DLGAP2: variants seen among roughly 807,000 people sequenced by gnomAD.
DLGAP2 encodes the protein disks large-associated protein 2.
Under a neutral mutation model 100.3 loss-of-function variants are expected in DLGAP2, and 26 were observed. That is an observed-to-expected ratio of 0.26 (90% CI 0.19 to 0.36). The LOEUF is 0.36. Among genes scored for constraint, DLGAP2 ranks in the 10% least tolerant of loss-of-function variants. The pLI is 1.00. For synonymous variants in DLGAP2, 886 were observed against 630.1 expected (o/e 1.41, Z -6.08); for missense variants, 1,858 against 1,453.2 (o/e 1.28, Z -4.53).
chr8:1,009,621 G>A (rs773158564), intron 2 of DLGAP2, among the ~76,000 whole-genome samples: 2 of 152,212 alleles, frequency 1.3e-5, no homozygotes, highest in African/African-American at 2.4e-5. Flanking sequence ...TCAGTTGGAA[G>A]CAGAGTCCAT....
chr8:1,591,391 C>T (rs1215466874), intron 6 of DLGAP2, among the ~76,000 whole-genome samples: 1 of 152,166 alleles, frequency 6.6e-6, no homozygotes, highest in East Asian at 1.9e-4. Context: ...AAGGGCCCTC[C>T]TGGTCTCTGG....
At chr8:818,881 A>G (rs185418151) in intron 1 of DLGAP2, among the ~76,000 whole-genome samples, 2 of 152,368 alleles carry the variant, frequency 1.3e-5, no homozygotes, top group East Asian at 3.9e-4. Context: ...ACTATAAATG[A>G]TATAAATTGA....
At chr8:895,681 G>T (rs79915014) in intron 1 of DLGAP2, among the ~76,000 whole-genome samples, 1 of 152,184 alleles carries the variant, frequency 6.6e-6, no homozygotes, top group African/African-American at 2.4e-5. Context: ...CCTTTCGGTG[G>T]TGGTGTGAAG....
intron 2 of DLGAP2, among the ~76,000 whole-genome samples, chr8:1,178,699 A>C (rs1029690606): frequency 6.6e-6 from 1 of 152,156 alleles, no homozygotes; most frequent in Non-Finnish European, 1.5e-5. Context: ...AAAATGTAGA[A>C]GTTTTAGCAA....
intron 2 of DLGAP2, among the ~76,000 whole-genome samples, chr8:1,160,545 A>G (rs1051505772): frequency 6.6e-6 from 1 of 152,124 alleles, no homozygotes; most frequent in Non-Finnish European, 1.5e-5. Flanking sequence ...TTTGCTTTGG[A>G]TGCCTTTATC....
At chr8:1,074,528 C>T (rs1803542159) in intron 2 of DLGAP2, among the ~76,000 whole-genome samples, 1 of 152,196 alleles carries the variant, frequency 6.6e-6, no homozygotes, top group Non-Finnish European at 1.5e-5. Context: ...GAGCTCCCAC[C>T]TTCACAGCCG....
chr8:998,545 C>G (rs577751370), intron 2 of DLGAP2, among the ~76,000 whole-genome samples: 8 of 152,068 alleles, frequency 5.3e-5, no homozygotes, highest in Admixed American at 3.9e-4. Context: ...TTAAGCAGTC[C>G]TCCCACCTCA....
chr8:865,388 T>C (rs1797474819), intron 1 of DLGAP2, among the ~76,000 whole-genome samples: 1 of 152,228 alleles, frequency 6.6e-6, no homozygotes, highest in African/African-American at 2.4e-5. Flanking sequence ...AAGATTGTGC[T>C]CTAGAGTTAG....
At chr8:1,276,211 C>A (rs552803693) in intron 3 of DLGAP2, among the ~76,000 whole-genome samples, 35 of 149,614 alleles carry the variant, frequency 2.3e-4, no homozygotes, top group Non-Finnish European at 3.7e-4. Flanking sequence ...AATCAACACT[C>A]CCCCCCCGAC....
intron 1 of DLGAP2, among the ~76,000 whole-genome samples, chr8:774,665 G>T (rs952691836): frequency 7.1e-4 from 108 of 151,858 alleles, no homozygotes; most frequent in African/African-American, 2.4e-3. Flanking sequence ...TTGTAGATGT[G>T]CGGCATTATT....
At chr8:1,252,196 C>T (rs1436202266) in intron 2 of DLGAP2, among the ~76,000 whole-genome samples, 1 of 151,276 alleles carries the variant, frequency 6.6e-6, no homozygotes, top group East Asian at 1.9e-4. Context: ...ACAGTCGTGT[C>T]ATGTCACACT....
chr8:1,547,864 G>A (rs1207000169), intron 4 of DLGAP2, among the ~76,000 whole-genome samples: 2 of 152,334 alleles, frequency 1.3e-5, no homozygotes, highest in East Asian at 3.9e-4. Flanking sequence ...TCACTGGCCT[G>A]TAAGGGTGTG....
chr8:857,563 C>G (rs1032426050), intron 1 of DLGAP2, among the ~76,000 whole-genome samples: 1 of 152,070 alleles, frequency 6.6e-6, no homozygotes, highest in Non-Finnish European at 1.5e-5. Flanking sequence ...AGATGACAAG[C>G]CACTGAAAAG....
chr8:928,775 G>A (rs963744506), intron 2 of DLGAP2, among the ~76,000 whole-genome samples: 3 of 152,176 alleles, frequency 2.0e-5, no homozygotes, highest in Admixed American at 6.5e-5. Context: ...GATTCACAGA[G>A]CCTTCGAGTT....
chr8:1,261,383 A>G (rs62483872), intron 3 of DLGAP2, among the ~76,000 whole-genome samples: 10,252 of 117,422 alleles, frequency 0.087, 251 homozygotes, highest in Admixed American at 0.13. Flanking sequence ...GATCTTTAAA[A>G]TGAGACAGAC....
chr8:1,282,704 G>T (rs1316624240), intron 3 of DLGAP2, among the ~76,000 whole-genome samples: 1 of 139,290 alleles, frequency 7.2e-6, no homozygotes, highest in Non-Finnish European at 1.6e-5. Flanking sequence ...TCCAGACGTG[G>T]TGTGACCTGA....
Position 963,686 on chromosome 8 carries a change from A to C in DLGAP2, c.73+55720A>C, listed in dbSNP as rs60161807. 3.6e-3 allele frequency among the ~76,000 whole-genome samples: 510 copies of C among 141,078 alleles called. 5 individuals are homozygous for C. Among genetic ancestry groups the C allele is most frequent in the African/African-American group, 0.011 (460 of 41,006 alleles). The allele number at this position is 141,078 out of a possible 152,430, so 92.6% of individuals were successfully genotyped here. ...ACCTACTCTTGCTCTGCCTCGGTGAATTTTAATTAATTTAATATTGTCTGG... is the reference window on the plus strand; with the variant it reads ...ACCTACTCTTGCTCTGCCTCGGTGACTTTTAATTAATTTAATATTGTCTGG... On this transcript the variant is annotated intron_variant, in intron 2 of 14. Transcript: ENST00000637795.
At chr8:767,582 C>G (rs1293723220) in intron 1 of DLGAP2, among the ~76,000 whole-genome samples, 1 of 152,052 alleles carries the variant, frequency 6.6e-6, no homozygotes, top group Non-Finnish European at 1.5e-5. Context: ...GTCTCGAACT[C>G]CTGACCTCGT....
chr8:1,580,844 C>T (rs1303115466), intron 6 of DLGAP2, among the ~76,000 whole-genome samples: 1 of 150,714 alleles, frequency 6.6e-6, no homozygotes, highest in South Asian at 2.1e-4. Flanking sequence ...AAACCCCACA[C>T]ATCTACACAC....
Sources: gnomAD v4.1 joint callset for allele counts (sites outside exome capture counted in the v4.1 genomes callset) on GRCh38, gnomAD v4.1.1 for gene constraint, MANE v1.5 for transcripts, NCBI Gene and HGNC (gene_info 2026-07-23, HGNC 2026-07-21) for gene names.